Variants in ZNF10 observed in about 807,000 individuals in gnomAD.
The protein encoded by ZNF10 is zinc finger protein 10.
A neutral mutation model predicts 12.2 loss-of-function variants in ZNF10; 8 were observed. That is an observed-to-expected ratio of 0.66 (90% CI 0.39 to 1.18). The LOEUF (loss-of-function observed/expected upper bound fraction) is 1.18, where lower values mean the gene tolerates loss of function less well. ZNF10 is among the 50% of genes most tolerant of loss of function. The pLI, the probability that ZNF10 is intolerant of heterozygous loss-of-function variation, is 0.01. For synonymous variants in ZNF10, 229 were observed against 228.2 expected (o/e 1.00, Z -0.03); for missense variants, 603 against 678.9 (o/e 0.89, Z 1.24).
chr12:133,144,289 A>G, intron 1 of ZNF10, 145 bp from the exon 2 acceptor site: 1 of 452,978 alleles, frequency 2.2e-6, no homozygotes, highest in Non-Finnish European at 3.9e-6. Context: ...CGGGCACTGT[A>G]GATTTGCTTA....
At chr12:133,152,115 C>T (rs1417326994) in intron 4 of ZNF10, among the ~76,000 whole-genome samples, 1 of 152,214 alleles carries the variant, frequency 6.6e-6, no homozygotes, top group Non-Finnish European at 1.5e-5. Flanking sequence ...TGCTTGGTTT[C>T]AGCGCTTGCA....
At chr12:133,146,217 TC>T (rs1222506785) in intron 2 of ZNF10, among the ~76,000 whole-genome samples, 1 of 152,152 alleles carries the variant, frequency 6.6e-6, no homozygotes, top group African/African-American at 2.4e-5. Flanking sequence ...CAGAGGCTGT[TC>T]CCATCTGTCA....
intron 4 of ZNF10, among the ~76,000 whole-genome samples, chr12:133,153,129 A>C (rs975708522): frequency 1.3e-5 from 2 of 152,020 alleles, no homozygotes; most frequent in Admixed American, 1.3e-4. Context: ...GTATCCAAAA[A>C]TAACAATTAT....
At chr12:133,135,323 T>C (rs1490255666) in intron 1 of ZNF10, among the ~76,000 whole-genome samples, 1 of 152,134 alleles carries the variant, frequency 6.6e-6, no homozygotes, top group Non-Finnish European at 1.5e-5. Flanking sequence ...CTCTGCACTG[T>C]GAGCTGGGGA....
intron 2 of ZNF10, among the ~76,000 whole-genome samples, chr12:133,147,608 G>GTTTTTTTTTTTTTTTTTTTTTTTTTTCTT: frequency 8.5e-6 from 1 of 117,118 alleles, no homozygotes; most frequent in Non-Finnish European, 1.7e-5. Context: ...TGTTTTCTGA[G>GTTTTTTTTTTTTTTTTTTTTTTTTTTCTT]TTTTTTTTTT....
chr12:133,138,872 C>T (rs1955928195), intron 1 of ZNF10, among the ~76,000 whole-genome samples: 1 of 152,164 alleles, frequency 6.6e-6, no homozygotes, highest in Non-Finnish European at 1.5e-5. Flanking sequence ...CGTCTGGGTT[C>T]GTACACCTCT....
At chr12:133,141,561 T>C (rs1955944314) in intron 1 of ZNF10, among the ~76,000 whole-genome samples, 1 of 152,096 alleles carries the variant, frequency 6.6e-6, no homozygotes, top group African/African-American at 2.4e-5. Context: ...AATGAAAATA[T>C]ACCAGGTTAA....
At chr12:133,150,921 T>G (rs1176553980) in intron 2 of ZNF10, 107 bp from the exon 3 acceptor site, 1 of 1,400,686 alleles carries the variant, frequency 7.1e-7, no homozygotes, top group East Asian at 2.4e-5. Flanking sequence ...CCATCCACTT[T>G]ACCTGCCCCA....
At chr12:133,146,912 C>T (rs1205851870) in intron 2 of ZNF10, among the ~76,000 whole-genome samples, 2 of 152,020 alleles carry the variant, frequency 1.3e-5, no homozygotes, top group South Asian at 2.1e-4. Context: ...TGTGCTGCCC[C>T]TGTGTATATA....
intron 2 of ZNF10, among the ~76,000 whole-genome samples, chr12:133,150,219 A>C (rs1464735578): frequency 1.3e-5 from 2 of 152,226 alleles, no homozygotes; most frequent in Non-Finnish European, 2.9e-5. Flanking sequence ...TTCTGCCTGA[A>C]GAACTTCCTT....
intron 1 of ZNF10, among the ~76,000 whole-genome samples, chr12:133,138,324 GTT>G (rs145087883): frequency 3.0e-5 from 4 of 134,616 alleles, no homozygotes; most frequent in African/African-American, 1.1e-4. Context: ...CTGTAGTTTT[GTT>G]TTTTTTTTAA....
intron 1 of ZNF10, among the ~76,000 whole-genome samples, chr12:133,138,334 TA>T (rs913975617): frequency 2.6e-5 from 4 of 151,290 alleles, no homozygotes; most frequent in Non-Finnish European, 4.4e-5. Context: ...GTTTTTTTTT[TA>T]ATGAGATCCT....
intron 1 of ZNF10, among the ~76,000 whole-genome samples, chr12:133,142,058 C>T (rs1431616619): frequency 6.6e-6 from 1 of 152,154 alleles, no homozygotes; most frequent in Non-Finnish European, 1.5e-5. Flanking sequence ...AAATAACTGT[C>T]TACCTATTAA....
At chr12:133,151,636 C>G (rs1180036630) in intron 3 of ZNF10, among the ~76,000 whole-genome samples, 173 bp from the exon 4 acceptor site, 1 of 152,066 alleles carries the variant, frequency 6.6e-6, no homozygotes, top group Non-Finnish European at 1.5e-5. Flanking sequence ...GAGAGAGACT[C>G]CATCTCAAAA....
intron 1 of ZNF10, among the ~76,000 whole-genome samples, chr12:133,141,681 G>C (rs1955945049): frequency 3.4e-5 from 5 of 148,848 alleles, no homozygotes. Flanking sequence ...AAAATGAAAA[G>C]AACTTGAGTA....
chr12:133,149,469 C>A (rs1403453071), intron 2 of ZNF10, among the ~76,000 whole-genome samples: 5 of 147,144 alleles, frequency 3.4e-5, no homozygotes, highest in Non-Finnish European at 7.5e-5. Flanking sequence ...GTGATCCTCT[C>A]ACCTTAGCCT....
chr12:133,154,962 C>T (rs570089549), intron 4 of ZNF10, among the ~76,000 whole-genome samples: 2 of 152,098 alleles, frequency 1.3e-5, no homozygotes, highest in East Asian at 1.9e-4. Flanking sequence ...CCTGTAATCC[C>T]AGCTACTTGG....
At chr12:133,145,401 T>C (rs1194971644) in intron 2 of ZNF10, among the ~76,000 whole-genome samples, 2 of 152,236 alleles carry the variant, frequency 1.3e-5, no homozygotes, top group Non-Finnish European at 2.9e-5. Context: ...CTGTCTTCTT[T>C]AACACGGTAT....
chr12:133,147,767 C>T lies in ZNF10; in HGVS notation c.33+3242C>T, dbSNP rs560947068. On this transcript the variant is annotated intron_variant, in intron 2 of 4. Transcript: ENST00000248211. ...AGTAGCTGGGACTACAGGTGCATGA[C>T]GCCATGCCTGGCTAATTTTTTTTTT... Among the ~76,000 whole-genome samples, 425 of 151,446 alleles carry T rather than the reference C, an allele frequency of 2.8e-3. 3 individuals carry two copies. The highest frequency in any genetic ancestry group is 9.7e-3 in the African/African-American group (400 of 41,338).
Sources: allele counts gnomAD v4.1 joint callset (sites outside exome capture counted in the v4.1 genomes callset), GRCh38; gene constraint gnomAD v4.1.1; transcripts MANE v1.5; gene names NCBI Gene and HGNC (gene_info 2026-07-23, HGNC 2026-07-21).